The following MYO3B variants were observed in gnomAD, a reference collection of about 807,000 sequenced individuals.
The protein encoded by MYO3B is myosin-IIIb.
A neutral mutation model predicts 174.6 loss-of-function variants in MYO3B; 156 were observed. The ratio of observed to expected loss-of-function variants is 0.89; its 90% confidence interval spans 0.78 to 1.02. The LOEUF is 1.02. Ranked by LOEUF, MYO3B falls within the 50% of genes least tolerant of loss-of-function variation. MYO3B has a pLI of 0.00. For synonymous variants in MYO3B, 563 were observed against 569.1 expected, an observed-to-expected ratio of 0.99 and a Z score of 0.15; for missense variants, 1,632 against 1,639.4, an observed-to-expected ratio of 1.00 and a Z score of 0.08.
intron 22 of MYO3B, among the ~76,000 whole-genome samples, chr2:170,427,063 G>C (rs2094669358): frequency 6.6e-6 from 1 of 151,884 alleles, no homozygotes; most frequent in African/African-American, 2.4e-5. Context: ...TGGCTTCAAA[G>C]AGGTTGTAAC....
intron 3 of MYO3B, among the ~76,000 whole-genome samples, chr2:170,212,563 TG>T (rs780417277): frequency 3.9e-4 from 60 of 152,182 alleles, no homozygotes; most frequent in Non-Finnish European, 2.9e-4. Context: ...ACGGGGTTTT[TG>T]TCACTTGACC....
intron 23 of MYO3B, among the ~76,000 whole-genome samples, chr2:170,455,470 A>G (rs1683853972): frequency 6.6e-6 from 1 of 152,240 alleles, no homozygotes; most frequent in Admixed American, 6.5e-5. Flanking sequence ...ATGGCCATCT[A>G]CTGGCTGTAG....
At chr2:170,584,416 C>A (rs562510242) in intron 32 of MYO3B, among the ~76,000 whole-genome samples, 55 of 152,218 alleles carry the variant, frequency 3.6e-4, no homozygotes, top group Non-Finnish European at 3.4e-4. Context: ...ATTTAATGAT[C>A]TCTCACATGA....
At chr2:170,198,661 T>C (rs1343563838) in intron 1 of MYO3B, among the ~76,000 whole-genome samples, 1 of 152,174 alleles carries the variant, frequency 6.6e-6, no homozygotes, top group African/African-American at 2.4e-5. Context: ...TCTGACAATA[T>C]GAGTGTGGGT....
chr2:170,528,166 T>C (rs958411330), intron 30 of MYO3B, among the ~76,000 whole-genome samples: 1 of 152,242 alleles, frequency 6.6e-6, no homozygotes, highest in Non-Finnish European at 1.5e-5. Context: ...GTCATTTTTC[T>C]GTGATGCATC....
At chr2:170,485,813 T>G (rs751760531) in intron 25 of MYO3B, among the ~76,000 whole-genome samples, 3 of 152,332 alleles carry the variant, frequency 2.0e-5, no homozygotes, top group Non-Finnish European at 4.4e-5. Flanking sequence ...ATGATGGAGA[T>G]ACTTGGGAGC....
At chr2:170,466,768 C>G in intron 25 of MYO3B, 57 bp downstream of exon 25, 2 of 1,526,470 alleles carry the variant, frequency 1.3e-6, no homozygotes, top group South Asian at 2.4e-5. Context: ...CTCTGGCCAT[C>G]CCTGTGTCCT....
At chr2:170,567,895 A>G (rs890198446) in intron 32 of MYO3B, among the ~76,000 whole-genome samples, 2 of 152,238 alleles carry the variant, frequency 1.3e-5, no homozygotes, top group African/African-American at 4.8e-5. Context: ...ATTCCATCTA[A>G]CAACTTTTTA....
intron 28 of MYO3B, among the ~76,000 whole-genome samples, chr2:170,509,324 T>A (rs946301741): frequency 6.6e-6 from 1 of 152,116 alleles, no homozygotes; most frequent in African/African-American, 2.4e-5. Context: ...ACCACTGCAC[T>A]CCAATCTGGG....
At chr2:170,470,458 A>G (rs1022658998) in intron 25 of MYO3B, among the ~76,000 whole-genome samples, 3 of 151,982 alleles carry the variant, frequency 2.0e-5, no homozygotes. Context: ...TAGATGAATA[A>G]TATCCCATTG....
chr2:170,612,329 A>T (rs1484543649), intron 32 of MYO3B, among the ~76,000 whole-genome samples: 1 of 152,220 alleles, frequency 6.6e-6, no homozygotes, highest in Non-Finnish European at 1.5e-5. Context: ...GAAGCTTGGC[A>T]GCGCCAGTGC....
chr2:170,346,453 A>G (rs192471706), intron 8 of MYO3B: 1 of 152,310 alleles, frequency 6.6e-6, no homozygotes, highest in Admixed American at 6.5e-5. Flanking sequence ...TGACACCATA[A>G]AACAATCACT....
At chr2:170,322,685 G>A (rs2093837387) in intron 7 of MYO3B, among the ~76,000 whole-genome samples, 1 of 152,172 alleles carries the variant, frequency 6.6e-6, no homozygotes, top group Non-Finnish European at 1.5e-5. Context: ...GTCTTCCTCA[G>A]GAACTGCTAC....
chr2:170,276,905 A>G (rs1380832403), intron 7 of MYO3B, among the ~76,000 whole-genome samples: 1 of 152,194 alleles, frequency 6.6e-6, no homozygotes, highest in Non-Finnish European at 1.5e-5. Flanking sequence ...AGGCAAGGAT[A>G]GTTCCCCTCC....
At chr2:170,543,278 T>C (rs142723617) in intron 31 of MYO3B, among the ~76,000 whole-genome samples, 246 of 152,288 alleles carry the variant, frequency 1.6e-3, no homozygotes, top group Middle Eastern at 3.4e-3. Flanking sequence ...TCTTTTTGAG[T>C]AAGGACCCGA....
chr2:170,398,468 A>G (rs1574914182), intron 16 of MYO3B, among the ~76,000 whole-genome samples: 2 of 152,180 alleles, frequency 1.3e-5, no homozygotes, highest in African/African-American at 2.4e-5. Context: ...GATTAACTCA[A>G]TGTCTAATCC....
At chr2:170,456,327 T>C (rs1173473940) in intron 23 of MYO3B, among the ~76,000 whole-genome samples, 2 of 152,190 alleles carry the variant, frequency 1.3e-5, no homozygotes, top group African/African-American at 4.8e-5. Context: ...GATAGGAGTT[T>C]AGTTAATGAA....
chr2:170,200,227 T>C lies in MYO3B; in HGVS notation c.264T>C (p.Tyr88=). Residue 88 remains tyrosine (Y), a synonymous_variant, in exon 3 of 35, where the codon TAT becomes TAC. Coordinates refer to ENST00000408978, the MANE Select transcript of MYO3B (RefSeq NM_138995.5). ...ATCATCCCAATGTTGTAAAGTTTTA[T>C]GGGATGTTTTACAAAGCGGATCACT... The part of the protein sequence containing the change: ...LPNHPNVVKF[Y]GMFYKADHCV... The C allele has an allele frequency of 6.2e-7, 1 of 1,613,570 alleles. No individual in the cohort carries two copies. The highest frequency in any genetic ancestry group is 8.5e-7 in the Non-Finnish European group (1 of 1,179,674).
intron 32 of MYO3B, among the ~76,000 whole-genome samples, chr2:170,647,758 AAAAT>A (rs1698490059): frequency 2.0e-5 from 3 of 152,328 alleles, no homozygotes; most frequent in African/African-American, 7.2e-5. Flanking sequence ...AATCAGGAAA[AAAAT>A]AAAAGCCAAT....
Sources: allele counts gnomAD v4.1 joint callset (sites outside exome capture counted in the v4.1 genomes callset), GRCh38; gene constraint gnomAD v4.1.1; transcripts MANE v1.5; gene names NCBI Gene and HGNC (gene_info 2026-07-23, HGNC 2026-07-21).